The following INPP4A variants were observed in gnomAD, a reference collection of about 807,000 sequenced individuals.
INPP4A encodes the protein inositol polyphosphate-4-phosphatase type I A.
A neutral mutation model predicts 119.8 loss-of-function variants in INPP4A; 33 were observed. The ratio of observed to expected loss-of-function variants is 0.28; its 90% CI spans 0.21 to 0.37. The LOEUF (loss-of-function observed/expected upper bound fraction) is 0.37, where lower values mean the gene tolerates loss of function less well. Ranked by LOEUF, INPP4A falls within the 10% of genes least tolerant of loss-of-function variation. The pLI is 1.00. For synonymous variants in INPP4A, 496 were observed against 500.7 expected, an observed-to-expected ratio of 0.99 and a Z score of 0.12; for missense variants, 956 against 1,289.9, an observed-to-expected ratio of 0.74 and a Z score of 3.97.
chr2:98,467,647 T>G (rs1473242844), intron 1 of INPP4A, among the ~76,000 whole-genome samples: 1 of 152,170 alleles, frequency 6.6e-6, no homozygotes, highest in Non-Finnish European at 1.5e-5. Flanking sequence ...TTTCCTTAAG[T>G]TAGAGTTTTT....
chr2:98,534,657 A>C (rs575022957), intron 5 of INPP4A, among the ~76,000 whole-genome samples: 17 of 152,210 alleles, frequency 1.1e-4, no homozygotes, highest in Admixed American at 2.0e-4. Flanking sequence ...GAAAGGCACA[A>C]GTAGGAGAGC....
chr2:98,581,537 T>C (rs1205937842), intron 24 of INPP4A: 1 of 1,498,110 alleles, frequency 6.7e-7, no homozygotes, highest in Non-Finnish European at 8.8e-7. Flanking sequence ...TCCTTTCCTT[T>C]TTCCTTTTTC....
At chr2:98,472,117 T>C (rs971380333) in intron 1 of INPP4A, among the ~76,000 whole-genome samples, 1 of 152,216 alleles carries the variant, frequency 6.6e-6, no homozygotes, top group East Asian at 1.9e-4. Flanking sequence ...CGTTCTCTCC[T>C]GTGGCTGGGC....
At chr2:98,477,160 G>A (rs1677399394) in intron 1 of INPP4A, among the ~76,000 whole-genome samples, 1 of 152,268 alleles carries the variant, frequency 6.6e-6, no homozygotes, top group Admixed American at 6.5e-5. Context: ...GGAGACTGAG[G>A]AGCAGAAGGT....
chr2:98,523,283 A>G (rs1687569413), intron 4 of INPP4A, among the ~76,000 whole-genome samples: 1 of 152,356 alleles, frequency 6.6e-6, no homozygotes, highest in South Asian at 2.1e-4. Flanking sequence ...AAACAGTAAT[A>G]TAGTCATGTT....
chr2:98,461,933 C>G (rs1053547280), intron 1 of INPP4A, among the ~76,000 whole-genome samples: 2 of 152,192 alleles, frequency 1.3e-5, no homozygotes, highest in Non-Finnish European at 2.9e-5. Context: ...CACACTAATA[C>G]GTTAGTTTTG....
chr2:98,463,048 G>C (rs2104678104), intron 1 of INPP4A, among the ~76,000 whole-genome samples: 1 of 152,064 alleles, frequency 6.6e-6, no homozygotes, highest in South Asian at 2.1e-4. Flanking sequence ...CACCATGTCG[G>C]CCAGGCTGGT....
At chr2:98,463,009 T>C (rs1673914832) in intron 1 of INPP4A, among the ~76,000 whole-genome samples, 1 of 152,016 alleles carries the variant, frequency 6.6e-6, no homozygotes, top group African/African-American at 2.4e-5. Flanking sequence ...ATCCGGCTAA[T>C]TTTTGTATTT....
chr2:98,488,821 C>T (rs929031140), intron 1 of INPP4A, among the ~76,000 whole-genome samples: 4 of 151,988 alleles, frequency 2.6e-5, no homozygotes, highest in Admixed American at 2.0e-4. Context: ...CTGGTTCCTG[C>T]GGGCTGGAGG....
chr2:98,559,344 CTGTT>C (rs1397967166), intron 16 of INPP4A, 115 bp from the exon 17 acceptor site: 9 of 1,133,890 alleles, frequency 7.9e-6, no homozygotes, highest in Admixed American at 1.9e-5. Context: ...GACCTCTTTT[CTGTT>C]TGTTAGCCGC....
chr2:98,523,292 T>C (rs1254588328), intron 4 of INPP4A, among the ~76,000 whole-genome samples: 2 of 152,232 alleles, frequency 1.3e-5, no homozygotes, highest in African/African-American at 4.8e-5. Flanking sequence ...TATAGTCATG[T>C]TAATTGGGCA....
At chr2:98,469,238 C>T (rs554584267) in intron 1 of INPP4A, among the ~76,000 whole-genome samples, 1 of 152,310 alleles carries the variant, frequency 6.6e-6, no homozygotes, top group East Asian at 1.9e-4. Flanking sequence ...GTGGCTCACG[C>T]CTGTAATCCC....
intron 20 of INPP4A, 106 bp downstream of exon 20, chr2:98,565,872 A>G: frequency 6.5e-7 from 1 of 1,538,168 alleles, no homozygotes; most frequent in Non-Finnish European, 8.8e-7. Context: ...ATTTTGTTAA[A>G]TGCTCTGATT....
chr2:98,481,278 A>G (rs1678386629), intron 1 of INPP4A, among the ~76,000 whole-genome samples: 1 of 152,100 alleles, frequency 6.6e-6, no homozygotes, highest in South Asian at 2.1e-4. Flanking sequence ...AGGAATGTGG[A>G]CCTGGTGTGA....
At chr2:98,522,432 G>A (rs574423728) in intron 4 of INPP4A, among the ~76,000 whole-genome samples, 2 of 151,928 alleles carry the variant, frequency 1.3e-5, no homozygotes, top group Non-Finnish European at 2.9e-5. Flanking sequence ...AAATATGATA[G>A]ACAAAATTTA....
At chr2:98,585,331 C>T (rs1446466237) in intron 24 of INPP4A, among the ~76,000 whole-genome samples, 3 of 152,346 alleles carry the variant, frequency 2.0e-5, no homozygotes, top group Non-Finnish European at 4.4e-5. Flanking sequence ...AATTATCTGT[C>T]ACTTGGGGTT....
In INPP4A at chr2:98,477,171, G is replaced by A. The variant is rs192138422; in HGVS notation, c.-166+32086G>A. On this transcript the variant is annotated intron_variant, in intron 1 of 24. Transcript: ENST00000409851. The stretch of plus-strand genomic sequence containing the variant: ...AGCAGGAGACTGAGGAGCAGAAGGT[G>A]AAATGAGTTCTCCCTGGGGACGTGT... Among the ~76,000 whole-genome samples the A allele has an allele frequency of 1.4e-4, 21 of 152,386 alleles. 1 individual carries two copies. In the East Asian group the frequency reaches 4.0e-3, roughly 29 times the overall value.
intron 1 of INPP4A, among the ~76,000 whole-genome samples, chr2:98,500,859 T>C (rs1038525164): frequency 6.6e-6 from 1 of 152,206 alleles, no homozygotes; most frequent in Non-Finnish European, 1.5e-5. Flanking sequence ...CCTAGAAGGT[T>C]CAGGAACCTG....
rs1392030374 is a variant in INPP4A, at chr2:98,568,669, G to T, written c.2518+1G>T. 4 of 1,521,262 alleles carry T rather than the reference G, an allele frequency of 2.6e-6. No homozygotes were observed. Among genetic ancestry groups the T allele is most frequent in the Admixed American group, 3.5e-5 (2 of 56,766 alleles). The allele number at this position is 1,521,262 out of a possible 1,614,324, so 94.2% of individuals were successfully genotyped here. A position where few individuals can be genotyped will look rare whatever the true frequency, so the allele number is the denominator to read the frequency against. On this transcript the variant is annotated splice_donor_variant, in intron 22 of 24. Transcript: ENST00000409851. LOFTEE classifies it high-confidence loss of function. ...TTTAAGGAAGTTTTGCCTGAGGATT[G>T]TAAGTATTTCTTCAGTCATGGTAGG...
Sources: allele counts gnomAD v4.1 joint callset (sites outside exome capture counted in the v4.1 genomes callset), GRCh38; gene constraint gnomAD v4.1.1; transcripts MANE v1.5; gene names NCBI Gene and HGNC (gene_info 2026-07-23, HGNC 2026-07-21).